The following PDE10A variants were observed in gnomAD, a reference collection of about 807,000 sequenced individuals.
PDE10A encodes the protein phosphodiesterase 10A.
In PDE10A, 39 loss-of-function variants were observed where a neutral mutation model predicts 97.7. That is an observed-to-expected ratio of 0.40 (90% confidence interval 0.31 to 0.52). The LOEUF (loss-of-function observed/expected upper bound fraction) is 0.52, where lower values mean the gene tolerates loss of function less well. PDE10A is among the 20% of genes least tolerant of loss of function. PDE10A has a pLI of 0.56. For missense variants in PDE10A, 731 were observed against 1,047.8 expected (o/e 0.70, Z 4.17); for synonymous variants, 371 against 376.8 (o/e 0.98, Z 0.18).
At chr6:165,452,913 A>T (rs1054857832) in intron 3 of PDE10A, among the ~76,000 whole-genome samples, 1 of 151,768 alleles carries the variant, frequency 6.6e-6, no homozygotes, top group Non-Finnish European at 1.5e-5. Flanking sequence ...AAAAAAAAAA[A>T]CAGCTGTAGG....
intron 1 of PDE10A, among the ~76,000 whole-genome samples, chr6:165,762,181 C>T (rs551903365): frequency 6.6e-6 from 1 of 152,354 alleles, no homozygotes; most frequent in Admixed American, 6.5e-5. Flanking sequence ...AAAAACTTCT[C>T]TTCCCTACTT....
At chr6:165,894,933 T>C (rs995791182) in intron 1 of PDE10A, among the ~76,000 whole-genome samples, 3 of 152,184 alleles carry the variant, frequency 2.0e-5, no homozygotes, top group Non-Finnish European at 4.4e-5. Flanking sequence ...TATCCTACAA[T>C]GACTGATTCA....
chr6:165,784,353 A>T (rs769378704), intron 1 of PDE10A, among the ~76,000 whole-genome samples: 3 of 152,132 alleles, frequency 2.0e-5, no homozygotes, highest in African/African-American at 4.8e-5. Context: ...CTTGGTATTT[A>T]CCTGGTCCTT....
Position 165,450,262 on chromosome 6 carries a change from A to T in PDE10A, c.1124T>A (p.Leu375Gln). The T allele has an allele frequency of 1.3e-6, 2 of 1,598,016 alleles. No homozygotes were observed. The highest frequency in any genetic ancestry group is 3.4e-5 in the Admixed American group (2 of 58,978). Residue 375 changes from leucine to glutamine, a missense_variant, in exon 4 of 22, where the codon CTG becomes CAG. Physicochemically the swap from Leu to Gln is moderately radical, Grantham distance 113. Around this residue, in one of 8 missense-constraint regions of PDE10A, gnomAD observed 152 missense variants for 199.3 expected, o/e 0.76. Transcript: ENST00000539869. ...GGDNQLLLYELSSIIKIATKA... is the reference protein window; with the variant it reads ...GGDNQLLLYEQSSIIKIATKA... ...CTTACCTATTTTAATGATGCTGCTC[A>T]GTTCATAGAGGAGTAGCTGGTTGTC...
chr6:165,569,037 A>T (rs1784924691), intron 1 of PDE10A, among the ~76,000 whole-genome samples: 1 of 152,244 alleles, frequency 6.6e-6, no homozygotes, highest in South Asian at 2.1e-4. Flanking sequence ...GATTTCACAG[A>T]CAACAGTACA....
intron 1 of PDE10A, among the ~76,000 whole-genome samples, chr6:165,552,718 G>A (rs1342334678): frequency 1.7e-4 from 26 of 152,052 alleles, no homozygotes; most frequent in Admixed American, 1.7e-3. Flanking sequence ...GTATCCTTCG[G>A]CTCTCATCAA....
intron 3 of PDE10A, among the ~76,000 whole-genome samples, chr6:165,470,514 C>T (rs1320945499): frequency 1.3e-5 from 2 of 152,152 alleles, no homozygotes; most frequent in African/African-American, 2.4e-5. Context: ...AGTAAGTCAA[C>T]TTTGGTTTAT....
At chr6:165,345,422 A>AT (rs1055439494) in intron 18 of PDE10A, among the ~76,000 whole-genome samples, 1 of 152,138 alleles carries the variant, frequency 6.6e-6, no homozygotes, top group Non-Finnish European at 1.5e-5. Context: ...GTAAGTACTC[A>AT]TTTTTTTACT....
At chr6:165,639,144 T>C (rs3008043) in intron 1 of PDE10A, among the ~76,000 whole-genome samples, 1 of 151,786 alleles carries the variant, frequency 6.6e-6, no homozygotes, top group Non-Finnish European at 1.5e-5. Context: ...GGCTGTGTGA[T>C]AGTAAAATTA....
chr6:165,563,888 C>CA (rs36101210), intron 1 of PDE10A, among the ~76,000 whole-genome samples: 4,341 of 112,150 alleles, frequency 0.039, 116 homozygotes, highest in African/African-American at 0.089. Flanking sequence ...GAGACTGTCT[C>CA]AAAAAAAAAA....
intron 1 of PDE10A, among the ~76,000 whole-genome samples, chr6:165,847,264 TCAA>T (rs2128474225): frequency 1.3e-5 from 2 of 152,318 alleles, no homozygotes; most frequent in East Asian, 3.9e-4. Context: ...GGCAGAGCTC[TCAA>T]CAAGAATCAG....
chr6:165,959,799 G>C (rs779103045), intron 1 of PDE10A, among the ~76,000 whole-genome samples: 1 of 152,014 alleles, frequency 6.6e-6, no homozygotes, highest in Admixed American at 6.6e-5. Flanking sequence ...GAGAGATCTC[G>C]CCTGGGGAGG....
chr6:165,903,631 A>G (rs1029853645), intron 1 of PDE10A, among the ~76,000 whole-genome samples: 2 of 152,248 alleles, frequency 1.3e-5, no homozygotes, highest in Non-Finnish European at 2.9e-5. Context: ...GCCGCTACTC[A>G]TCGGAAGTTG....
intron 5 of PDE10A, among the ~76,000 whole-genome samples, chr6:165,445,485 G>T (rs1457436697): frequency 6.6e-6 from 1 of 152,160 alleles, no homozygotes; most frequent in African/African-American, 2.4e-5. Flanking sequence ...AGAAAAGTTG[G>T]GGCCTTTCTG....
intron 1 of PDE10A, among the ~76,000 whole-genome samples, chr6:165,964,953 G>A (rs1039996597): frequency 7.2e-5 from 11 of 152,238 alleles, no homozygotes; most frequent in Non-Finnish European, 1.5e-4. Flanking sequence ...GGTGCCAGGG[G>A]AGAGAGGCAT....
intron 3 of PDE10A, 83 bp from the exon 4 acceptor site, chr6:165,450,445 A>T: frequency 1.7e-6 from 1 of 597,224 alleles, no homozygotes; most frequent in Non-Finnish European, 2.7e-6. Flanking sequence ...ACATACTATT[A>T]ATATATGTGA....
chr6:165,750,441 C>T (rs1175873273), intron 1 of PDE10A, among the ~76,000 whole-genome samples: 1 of 152,136 alleles, frequency 6.6e-6, no homozygotes. Flanking sequence ...GCTGGTAAGG[C>T]CAGGCCAGCT....
intron 1 of PDE10A, among the ~76,000 whole-genome samples, chr6:165,619,540 T>C (rs1787999444): frequency 6.8e-6 from 1 of 146,566 alleles, no homozygotes; most frequent in South Asian, 2.2e-4. Context: ...TAGTCTAATG[T>C]AGTGTAGTGT....
chr6:165,638,040 G>A (rs1434150010), intron 1 of PDE10A, among the ~76,000 whole-genome samples: 1 of 152,016 alleles, frequency 6.6e-6, no homozygotes, highest in Non-Finnish European at 1.5e-5. Flanking sequence ...AGCAGATGTT[G>A]TCAGTAACAT....
Sources: gnomAD v4.1 joint callset for allele counts (sites outside exome capture counted in the v4.1 genomes callset) on GRCh38, gnomAD v4.1.1 for gene constraint, gnomAD v4.1.1 regional missense constraint, MANE v1.5 for transcripts, NCBI Gene and HGNC (gene_info 2026-07-23, HGNC 2026-07-21) for gene names.